THEMIS: variants seen among roughly 807,000 people sequenced by gnomAD.
The protein encoded by THEMIS is protein THEMIS.
Under a neutral mutation model 52.6 loss-of-function variants are expected in THEMIS, and 37 were observed. That is an observed-to-expected ratio of 0.70 (90% CI 0.54 to 0.93). The LOEUF is 0.93. THEMIS is among the 40% of genes least tolerant of loss of function. The pLI is 0.00. For missense variants in THEMIS, 808 were observed against 763.1 expected (o/e 1.06, Z -0.69); for synonymous variants, 292 against 272.7 (o/e 1.07, Z -0.70).
intron 1 of THEMIS, chr6:127,910,122 GC>G (rs1484481056): frequency 2.6e-5 from 4 of 152,036 alleles, no homozygotes; most frequent in Non-Finnish European, 5.9e-5. Flanking sequence ...AATAGCTTTA[GC>G]TTTCATTATT....
chr6:127,719,551 G>C (rs1774289399), intron 5 of THEMIS, 137 bp downstream of exon 5: 1 of 659,924 alleles, frequency 1.5e-6, no homozygotes, highest in Non-Finnish European at 2.5e-6. Context: ...ATTTCAATGT[G>C]ATTGGCAGAG....
At chr6:127,868,068 A>G (rs1468169565) in intron 1 of THEMIS, among the ~76,000 whole-genome samples, 5 of 152,152 alleles carry the variant, frequency 3.3e-5, no homozygotes, top group Admixed American at 1.3e-4. Context: ...TCAGGTAATT[A>G]CTTCACCTGT....
intron 4 of THEMIS, among the ~76,000 whole-genome samples, chr6:127,756,497 C>G: frequency 6.6e-6 from 1 of 152,082 alleles, no homozygotes. Context: ...ATTACAGAAA[C>G]CATTTTGGTA....
chr6:127,745,605 A>G lies in THEMIS; in HGVS notation c.1759-25782T>C, dbSNP rs184507675. The stretch of plus-strand genomic sequence containing the variant: ...TTGGGGTCCAGTTCTATTTCAACAT[A>G]TTTAACTATGTTCTCTTTAGTGCAA... On this transcript the variant is annotated intron_variant, in intron 4 of 5. Transcript: ENST00000368248. 3.4e-4 allele frequency among the ~76,000 whole-genome samples: 51 copies of G among 151,974 alleles called. 1 individual carries two copies. The East Asian group carries it at 8.1e-3, about 24-fold the overall frequency.
intron 4 of THEMIS, among the ~76,000 whole-genome samples, chr6:127,744,960 T>A (rs796729425): frequency 9.2e-5 from 14 of 152,044 alleles, no homozygotes; most frequent in African/African-American, 3.4e-4. Context: ...CTTATGTATA[T>A]CCAGACTCTT....
chr6:127,749,669 T>G (rs1583230352), intron 4 of THEMIS, among the ~76,000 whole-genome samples: 2 of 151,898 alleles, frequency 1.3e-5, no homozygotes, highest in Middle Eastern at 3.4e-3. Flanking sequence ...TTAAATAATC[T>G]TATTCTATAA....
At chr6:127,791,686 G>A (rs1404388037) in intron 4 of THEMIS, among the ~76,000 whole-genome samples, 1 of 152,112 alleles carries the variant, frequency 6.6e-6, no homozygotes, top group Non-Finnish European at 1.5e-5. Flanking sequence ...TGGTGCCCTG[G>A]CTCTTTGTGC....
intron 1 of THEMIS, among the ~76,000 whole-genome samples, chr6:127,858,666 G>A (rs554459546): frequency 3.1e-4 from 47 of 152,138 alleles, no homozygotes; most frequent in Non-Finnish European, 5.0e-4. Flanking sequence ...GCTGAGATAT[G>A]TGTCTGAAAT....
chr6:127,865,376 T>C (rs1044973091), intron 1 of THEMIS, among the ~76,000 whole-genome samples: 8 of 152,118 alleles, frequency 5.3e-5, no homozygotes, highest in Non-Finnish European at 1.0e-4. Flanking sequence ...GTCCTTTCTT[T>C]GGAATGTACA....
chr6:127,868,513 T>A (rs1472485955), intron 1 of THEMIS: 1 of 983,130 alleles, frequency 1.0e-6, no homozygotes, highest in Non-Finnish European at 1.2e-6. Context: ...CACAAATTGG[T>A]TACAGATGTG....
intron 2 of THEMIS, among the ~76,000 whole-genome samples, chr6:127,846,446 A>T (rs966360512): frequency 3.9e-5 from 6 of 151,946 alleles, no homozygotes; most frequent in Non-Finnish European, 8.8e-5. Flanking sequence ...TTAGAAATGA[A>T]ATTGGAGATA....
intron 4 of THEMIS, among the ~76,000 whole-genome samples, chr6:127,757,148 T>G (rs903746604): frequency 1.3e-5 from 2 of 152,168 alleles, no homozygotes; most frequent in African/African-American, 4.8e-5. Flanking sequence ...TAAGTAAAAT[T>G]TTAATTTTAG....
At chr6:127,842,398 G>C (rs1189014879) in intron 2 of THEMIS, among the ~76,000 whole-genome samples, 1 of 151,944 alleles carries the variant, frequency 6.6e-6, no homozygotes, top group Non-Finnish European at 1.5e-5. Context: ...GCATAAAGGA[G>C]CAGATTTTAT....
At chr6:127,744,930 T>C (rs977091949) in intron 4 of THEMIS, among the ~76,000 whole-genome samples, 7 of 151,944 alleles carry the variant, frequency 4.6e-5, no homozygotes, top group African/African-American at 1.4e-4. Context: ...GAGATATAAT[T>C]GTAATATCAA....
chr6:127,787,523 T>C (rs1776992314), intron 4 of THEMIS, among the ~76,000 whole-genome samples: 1 of 152,180 alleles, frequency 6.6e-6, no homozygotes, highest in South Asian at 2.1e-4. Flanking sequence ...ACCAGGGAAA[T>C]GCTTTTATCT....
intron 1 of THEMIS, among the ~76,000 whole-genome samples, chr6:127,873,688 G>A (rs1780224597): frequency 6.6e-6 from 1 of 152,184 alleles, no homozygotes. Flanking sequence ...TACAGCATCT[G>A]TCTTTCCCAA....
At chr6:127,788,174 C>T in intron 4 of THEMIS, among the ~76,000 whole-genome samples, 1 of 152,154 alleles carries the variant, frequency 6.6e-6, no homozygotes, top group African/African-American at 2.4e-5. Flanking sequence ...GGGGAGACGT[C>T]TCTAAACCTC....
intron 4 of THEMIS, among the ~76,000 whole-genome samples, chr6:127,740,526 C>T (rs1775164925): frequency 6.6e-6 from 1 of 152,192 alleles, no homozygotes; most frequent in African/African-American, 2.4e-5. Context: ...GAAAGTGGTT[C>T]TTAACTGGCC....
chr6:127,902,324 C>CAAAAAA (rs35320887), upstream of THEMIS, among the ~76,000 whole-genome samples: 2 of 109,746 alleles, frequency 1.8e-5, no homozygotes, highest in Non-Finnish European at 3.8e-5. Context: ...GACTCTGTCT[C>CAAAAAA]AAAAAAAAAA....
Sources: allele counts gnomAD v4.1 joint callset (sites outside exome capture counted in the v4.1 genomes callset), GRCh38; gene constraint gnomAD v4.1.1; transcripts MANE v1.5; gene names NCBI Gene and HGNC (gene_info 2026-07-23, HGNC 2026-07-21).